The following SEC31A variants were observed in gnomAD, a reference collection of about 807,000 sequenced individuals.
The protein encoded by SEC31A is protein transport protein Sec31A.
SEC31A carries 70 observed loss-of-function variants against 151.0 expected under a neutral mutation model. The observed-to-expected ratio is 0.46, with a 90% confidence interval of 0.38 to 0.57. The LOEUF is 0.57. Ranked by LOEUF, SEC31A falls within the 20% of genes least tolerant of loss-of-function variation. The probability of loss-of-function intolerance (pLI) is 0.00; values close to 1 mark genes in which losing one functional copy is unlikely to be tolerated. For missense variants in SEC31A, 1,330 were observed against 1,471.2 expected, an observed-to-expected ratio of 0.90 and a Z score of 1.57; for synonymous variants, 475 against 505.9, an observed-to-expected ratio of 0.94 and a Z score of 0.82.
chr4:82,844,637 T>G, intron 20 of SEC31A, 128 bp from the exon 21 acceptor site: 1 of 889,242 alleles, frequency 1.1e-6, no homozygotes, highest in South Asian at 1.8e-5. Flanking sequence ...TAAGAAACAT[T>G]GCATTTTGCA....
chr4:82,896,831 T>C (rs1720083723), intron 3 of SEC31A, among the ~76,000 whole-genome samples: 1 of 152,228 alleles, frequency 6.6e-6, no homozygotes, highest in Non-Finnish European at 1.5e-5. Flanking sequence ...AAGGTACAGA[T>C]GTACAGCATC....
upstream of SEC31A, chr4:82,900,560 G>A (rs1720276272): frequency 1.9e-6 from 1 of 537,396 alleles, no homozygotes. Flanking sequence ...AGGGAGGAGC[G>A]GTCAAATGCA....
At chr4:82,871,462 C>G in intron 7 of SEC31A, 1 of 1,307,364 alleles carries the variant, frequency 7.6e-7, no homozygotes, top group Non-Finnish European at 1.1e-6. Flanking sequence ...ACCAATTTTA[C>G]CATAGACTAA....
upstream of SEC31A, chr4:82,894,875 T>C (rs570611648): frequency 3.3e-5 from 5 of 152,364 alleles, no homozygotes; most frequent in Middle Eastern, 0.01. Flanking sequence ...AACAAGTTAG[T>C]AGGAGTTTAT....
At chr4:82,845,981 C>A (rs562397048) in intron 20 of SEC31A, among the ~76,000 whole-genome samples, 2 of 152,040 alleles carry the variant, frequency 1.3e-5, no homozygotes, top group South Asian at 4.2e-4. Context: ...GCCCTAGAGG[C>A]CATTGTTTTT....
intron 22 of SEC31A, among the ~76,000 whole-genome samples, chr4:82,830,627 T>C (rs1725736731): frequency 6.6e-6 from 1 of 152,244 alleles, no homozygotes; most frequent in South Asian, 2.1e-4. Context: ...TGGTTCTACA[T>C]AGATTAATCA....
intron 3 of SEC31A, among the ~76,000 whole-genome samples, chr4:82,897,217 C>A (rs574785703): frequency 1.3e-5 from 2 of 152,130 alleles, no homozygotes; most frequent in African/African-American, 4.8e-5. Context: ...AGTTTTGGAG[C>A]GTATTAGGGT....
chr4:82,858,282 A>C (rs938151442), intron 14 of SEC31A, among the ~76,000 whole-genome samples: 12 of 150,730 alleles, frequency 8.0e-5, no homozygotes, highest in African/African-American at 2.9e-4. Context: ...GCTGTGACTC[A>C]TGCCTGTAAT....
intron 10 of SEC31A, 113 bp downstream of exon 10, chr4:82,866,695 C>T (rs545535026): frequency 3.3e-6 from 3 of 909,858 alleles, no homozygotes; most frequent in South Asian, 6.1e-5. Context: ...CCCACAAGTA[C>T]ATCTCAAATC....
chr4:82,835,756 C>A (rs1483908357), intron 22 of SEC31A, among the ~76,000 whole-genome samples: 4 of 151,992 alleles, frequency 2.6e-5, no homozygotes, highest in African/African-American at 9.7e-5. Flanking sequence ...GATTGAGCCA[C>A]TGCACTCCAG....
chr4:82,844,835 A>G (rs540524717), intron 20 of SEC31A, among the ~76,000 whole-genome samples: 1 of 152,260 alleles, frequency 6.6e-6, no homozygotes, highest in African/African-American at 2.4e-5. Context: ...CTCTGTAAAT[A>G]TAAGTATAAA....
chr4:82,885,130 T>C (rs999652673), intron 1 of SEC31A, among the ~76,000 whole-genome samples: 1 of 152,182 alleles, frequency 6.6e-6, no homozygotes, highest in Non-Finnish European at 1.5e-5. Flanking sequence ...ATGTATACTT[T>C]TGCCCTTCAG....
chr4:82,881,672 G>A (rs1739369650), intron 2 of SEC31A, among the ~76,000 whole-genome samples, 186 bp downstream of exon 2: 1 of 152,138 alleles, frequency 6.6e-6, no homozygotes, highest in Non-Finnish European at 1.5e-5. Flanking sequence ...TATTTTAGAT[G>A]TAACACATCA....
intron 4 of SEC31A, among the ~76,000 whole-genome samples, chr4:82,877,038 G>T (rs1208042083): frequency 6.6e-6 from 1 of 152,038 alleles, no homozygotes; most frequent in African/African-American, 2.4e-5. Flanking sequence ...AGGAGTTTGG[G>T]ACCAGCTTGA....
At chr4:82,832,939 G>A (rs1019991983) in intron 22 of SEC31A, among the ~76,000 whole-genome samples, 6 of 152,162 alleles carry the variant, frequency 3.9e-5, no homozygotes, top group Non-Finnish European at 7.4e-5. Context: ...AAATAGGAAC[G>A]CTTTTACACT....
intron 22 of SEC31A, among the ~76,000 whole-genome samples, chr4:82,831,530 C>A (rs1377840307): frequency 6.6e-6 from 1 of 152,180 alleles, no homozygotes; most frequent in Non-Finnish European, 1.5e-5. Context: ...TGGTCCAACA[C>A]CCTCTTGAAG....
upstream of SEC31A, among the ~76,000 whole-genome samples, chr4:82,892,358 A>G (rs558137195): frequency 6.6e-6 from 1 of 152,252 alleles, no homozygotes; most frequent in African/African-American, 2.4e-5. Flanking sequence ...ATTAAAACTG[A>G]AAGACGTTGA....
At chr4:82,875,541 T>C (rs896366724) in intron 5 of SEC31A, among the ~76,000 whole-genome samples, 186 bp downstream of exon 5, 1 of 152,246 alleles carries the variant, frequency 6.6e-6, no homozygotes, top group South Asian at 2.1e-4. Context: ...ATATTTACTC[T>C]TGATGGACTC....
chr4:82,886,731 G>A (rs915275811), intron 1 of SEC31A, among the ~76,000 whole-genome samples: 9 of 152,020 alleles, frequency 5.9e-5, no homozygotes, highest in Non-Finnish European at 1.2e-4. Flanking sequence ...AATACTCCCC[G>A]ACAAGTTTGT....
Sources: allele counts gnomAD v4.1 joint callset (sites outside exome capture counted in the v4.1 genomes callset), GRCh38; gene constraint gnomAD v4.1.1; transcripts MANE v1.5; gene names NCBI Gene and HGNC (gene_info 2026-07-23, HGNC 2026-07-21).